The following SMO variants were observed in gnomAD, a reference collection of about 807,000 sequenced individuals.
SMO encodes smoothened, frizzled class receptor.
A neutral mutation model predicts 81.6 loss-of-function variants in SMO; 40 were observed. The observed-to-expected ratio is 0.49, with a 90% confidence interval of 0.38 to 0.64. The LOEUF (loss-of-function observed/expected upper bound fraction) is 0.64, where lower values mean the gene tolerates loss of function less well. Ranked by LOEUF, SMO falls within the 30% of genes least tolerant of loss-of-function variation. The probability of loss-of-function intolerance (pLI) is 0.00; values close to 1 mark genes in which losing one functional copy is unlikely to be tolerated. For missense variants in SMO, 916 were observed against 1,061.1 expected, an observed-to-expected ratio of 0.86 and a Z score of 1.90; for synonymous variants, 434 against 432.1, an observed-to-expected ratio of 1.00 and a Z score of -0.05.
rs1793851674 is a variant in SMO at position 129,210,450 on chromosome 7, G to A, written c.1554G>A (p.Glu518=). 1 of 1,614,196 alleles carries A rather than the reference G, an allele frequency of 6.2e-7. No homozygotes were observed. The highest frequency in any genetic ancestry group is 8.5e-7 in the Non-Finnish European group (1 of 1,180,014). Residue 518 remains glutamate, a synonymous_variant, in exon 9 of 12, where the codon GAG becomes GAA. Coordinates refer to ENST00000249373, the MANE Select transcript of SMO (RefSeq NM_005631.5). The surrounding 1 kb of genome is among the most constrained non-coding windows in gnomAD (Gnocchi z 4.7). ...AGAATCGCCCGAGCCTTCTGGTGGA[G>A]AAGATCAACCTGTTTGCCATGTTTG... ...EIKNRPSLLV[E]KINLFAMFGT...
At chr7:129,199,189 T>C (rs1273058771) in intron 1 of SMO, among the ~76,000 whole-genome samples, 3 of 149,342 alleles carry the variant, frequency 2.0e-5, no homozygotes, top group African/African-American at 7.5e-5. Context: ...TTTCTTTTTT[T>C]TTTTTTTTTT....
Position 129,189,036 on chromosome 7 carries a change from T to G in SMO, c.-116T>G. On this transcript the variant is annotated 5_prime_UTR_variant, in exon 1 of 12. Transcript: ENST00000249373. The surrounding 1 kb of genome is among the most constrained non-coding windows in gnomAD (Gnocchi z 4.7). ...CGGGGGGGCCCGGGCCCGGATTCTCTGGGCGCACAGGTCGCCTGAGCCGCC... is the reference window on the plus strand; with the variant it reads ...CGGGGGGGCCCGGGCCCGGATTCTCGGGGCGCACAGGTCGCCTGAGCCGCC... The G allele has an allele frequency of 1.1e-6, 1 of 951,132 alleles. No homozygotes were observed. Among genetic ancestry groups the G allele is most frequent in the East Asian group, 3.5e-5 (1 of 28,738 alleles). 58.9% of individuals were successfully genotyped at this position (951,132 alleles called of 1,614,324 possible).
At chr7:129,198,756 T>C (rs553613131) in intron 1 of SMO, among the ~76,000 whole-genome samples, 67 of 152,350 alleles carry the variant, frequency 4.4e-4, no homozygotes, top group African/African-American at 1.6e-3. Context: ...TAGGTTATAC[T>C]GTATCAGCTA....
At chr7:129,204,903 G>A (rs769786366) in intron 2 of SMO, among the ~76,000 whole-genome samples, 1 of 151,328 alleles carries the variant, frequency 6.6e-6, no homozygotes, top group African/African-American at 2.4e-5. Context: ...CCAGCTACTC[G>A]GGAGTCTGAG....
chr7:129,192,105 G>A (rs1449196108), intron 1 of SMO, among the ~76,000 whole-genome samples: 1 of 152,076 alleles, frequency 6.6e-6, no homozygotes, highest in Admixed American at 6.5e-5. Flanking sequence ...AAGGTACTGT[G>A]GCATTTTAGG....
chr7:129,205,191 C>G lies in SMO; in HGVS notation c.538-12C>G, dbSNP rs1361748935. On this transcript the variant is annotated splice_polypyrimidine_tract_variant and intron_variant, in intron 2 of 11. Transcript: ENST00000249373. ...CTGCCTTGACACCGTCTTTTCCCATCCCTGGTGCCAGAATGAGGTGCAGAA... is the reference window on the plus strand; with the variant it reads ...CTGCCTTGACACCGTCTTTTCCCATGCCTGGTGCCAGAATGAGGTGCAGAA... 2 of 1,612,962 alleles carry G rather than the reference C, an allele frequency of 1.2e-6. No individual in the cohort carries two copies. The highest frequency in any genetic ancestry group is 2.2e-5 in the East Asian group (1 of 44,864).
At position 129,189,397 on chromosome 7, in the gene SMO, G is replaced by A. The variant is rs1292160538; in HGVS notation, c.246G>A (p.Val82=). ...GCTACAACGTGTGCCTGGGCTCGGT[G>A]CTGCCCTACGGGGCCACCTCCACAC... ...PLRYNVCLGS[V]LPYGATSTLL... is the part of the protein sequence containing the mutation. Residue 82 remains valine (V), a synonymous_variant, in exon 1 of 12, where the codon GTG becomes GTA. Transcript: ENST00000249373. This position sits in a 1 kb window ranked among gnomAD's most constrained non-coding sequence, Gnocchi z 4.7. The A allele has an allele frequency of 1.3e-6, 2 of 1,537,544 alleles. No homozygotes were observed. Among genetic ancestry groups the A allele is most frequent in the East Asian group, 2.4e-5 (1 of 40,856 alleles).
At position 129,212,397 on chromosome 7, in the gene SMO, C is replaced by T. The variant is rs1793890866; in HGVS notation, c.2310C>T (p.His770=). ...GCCGACAGGGCCTGGGGCCTATTCA[C>T]TCCCGCACCAACCTGATGGACACAG... The part of the protein sequence containing the change: ...HGRRQGLGPI[H]SRTNLMDTEL... The change falls in exon 12 of 12, where the codon CAC becomes CAT. Residue 770 remains histidine, a synonymous_variant. Transcript: ENST00000249373. The surrounding 1 kb of genome is among the most constrained non-coding windows in gnomAD (Gnocchi z 5.0). 1 of 1,613,948 alleles carries T rather than the reference C, an allele frequency of 6.2e-7. No individual in the cohort carries two copies. Among genetic ancestry groups the T allele is most frequent in the Non-Finnish European group, 8.5e-7 (1 of 1,180,044 alleles).
rs1030060194 is a variant in SMO at position 129,208,666 on chromosome 7, C to T, written c.1265-93C>T. On this transcript the variant is annotated intron_variant, in intron 6 of 11. Transcript: ENST00000249373. The surrounding 1 kb of genome is among the most constrained non-coding windows in gnomAD (Gnocchi z 5.2). The stretch of plus-strand genomic sequence containing the variant: ...AGCACAGGGGTAATCAGACTTGGGA[C>T]TCCAGAGCCTTAGGACCCTCCTCCC... The T allele has an allele frequency of 2.7e-6, 2 of 752,124 alleles. No individual in the cohort carries two copies. The highest frequency in any genetic ancestry group is 4.0e-5 in the Admixed American group (2 of 49,388). 46.6% of individuals were successfully genotyped at this position (752,124 alleles called of 1,614,324 possible). A position where few individuals can be genotyped will look rare whatever the true frequency, so the allele number is the denominator to read the frequency against.
chr7:129,205,151 A>T (rs1793741932), intron 2 of SMO, 52 bp from the exon 3 acceptor site: 10 of 1,510,560 alleles, frequency 6.6e-6, no homozygotes, highest in Non-Finnish European at 9.2e-6. Context: ...CCTAAACAAG[A>T]GGCTCGTCCC....
At chr7:129,196,454 T>C (rs1007062789) in intron 1 of SMO, among the ~76,000 whole-genome samples, 3 of 152,004 alleles carry the variant, frequency 2.0e-5, no homozygotes, top group Non-Finnish European at 4.4e-5. Flanking sequence ...TGCTCCTTTG[T>C]GTTTTAATAT....
intron 1 of SMO, among the ~76,000 whole-genome samples, chr7:129,193,177 G>T (rs1392661398): frequency 6.6e-6 from 1 of 152,214 alleles, no homozygotes; most frequent in Admixed American, 6.5e-5. Context: ...AAGCAGAGAG[G>T]CCTGCAGCTG....
rs1010558536 is a variant in SMO at position 129,208,978 on chromosome 7, G to A, written c.1357+127G>A. ...AGTTAGCCATAGGGACAAGGACAAGGGGTGTGTGTAGGTGGTAGTGGTAGT... is the reference window on the plus strand; with the variant it reads ...AGTTAGCCATAGGGACAAGGACAAGAGGTGTGTGTAGGTGGTAGTGGTAGT... On this transcript the variant is annotated intron_variant, in intron 7 of 11. Transcript: ENST00000249373. The surrounding 1 kb of genome is among the most constrained non-coding windows in gnomAD (Gnocchi z 5.2). 4.3e-6 allele frequency: 3 copies of A among 695,470 alleles called. No homozygotes were observed. Among genetic ancestry groups the A allele is most frequent in the Non-Finnish European group, 7.7e-6 (3 of 390,178 alleles). The allele number at this position is 695,470 out of a possible 1,614,324, so 43.1% of individuals were successfully genotyped here.
intron 1 of SMO, among the ~76,000 whole-genome samples, chr7:129,197,055 A>G (rs934018816): frequency 6.6e-6 from 1 of 150,982 alleles, no homozygotes; most frequent in Non-Finnish European, 1.5e-5. Flanking sequence ...TGATGCCTTT[A>G]ACATTTATTT....
intron 1 of SMO, among the ~76,000 whole-genome samples, chr7:129,190,628 G>T (rs1584652138): frequency 6.6e-6 from 1 of 152,248 alleles, no homozygotes; most frequent in Non-Finnish European, 1.5e-5. Flanking sequence ...CTCGGCCTTT[G>T]TCAGATGTTG....
Position 129,206,316 on chromosome 7 carries a change from C to T in SMO, c.1087C>T (p.Leu363Phe), listed in dbSNP as rs780399753. The stretch of plus-strand genomic sequence containing the variant: ...GGGCAAGACCTCCTACTTCCACCTG[C>T]TCACCTGGTCACTCCCCTTTGTCCT... ...LSGKTSYFHLLTWSLPFVLTV... is the reference protein window; with the variant it reads ...LSGKTSYFHLFTWSLPFVLTV... The change falls in exon 5 of 12, where the codon CTC becomes TTC. Residue 363 changes from leucine (L) to phenylalanine (F), a missense_variant. Physicochemically the swap from Leu to Phe is conservative, Grantham distance 22. Transcript: ENST00000249373. This position sits in a 1 kb window ranked among gnomAD's most constrained non-coding sequence, Gnocchi z 4.4. 1 of 1,614,234 alleles carries T rather than the reference C, an allele frequency of 6.2e-7. No homozygotes were observed. The highest frequency in any genetic ancestry group is 1.7e-5 in the Admixed American group (1 of 60,032).
chr7:129,196,219 T>G (rs1793576370), intron 1 of SMO, among the ~76,000 whole-genome samples: 1 of 152,012 alleles, frequency 6.6e-6, no homozygotes, highest in East Asian at 1.9e-4. Flanking sequence ...TTTTTCCCAT[T>G]GAAATTCATG....
chr7:129,195,979 T>A (rs948492105), intron 1 of SMO, among the ~76,000 whole-genome samples: 1 of 151,398 alleles, frequency 6.6e-6, no homozygotes, highest in Non-Finnish European at 1.5e-5. Flanking sequence ...TGGGCGCCTG[T>A]AGTCCCAGCT....
chr7:129,206,110 A>G lies in SMO; in HGVS notation c.921-40A>G. On this transcript the variant is annotated intron_variant, in intron 4 of 11. Coordinates refer to ENST00000249373, the MANE Select transcript of SMO (RefSeq NM_005631.5). This position sits in a 1 kb window ranked among gnomAD's most constrained non-coding sequence, Gnocchi z 4.4. ...TGGGGAGACCAGGTAGAGGGAGTAC[A>G]GAGTGACCGCCTCAAGTGACACCTC... The G allele has an allele frequency of 6.8e-7, 1 of 1,475,370 alleles. No homozygotes were observed. The highest frequency in any genetic ancestry group is 9.3e-7 in the Non-Finnish European group (1 of 1,072,920). The allele number at this position is 1,475,370 out of a possible 1,614,324, so 91.4% of individuals were successfully genotyped here.
Sources: allele counts gnomAD v4.1 joint callset (sites outside exome capture counted in the v4.1 genomes callset), GRCh38; gene constraint gnomAD v4.1.1; non-coding constraint Gnocchi (gnomAD v3.1); transcripts MANE v1.5; gene names NCBI Gene and HGNC (gene_info 2026-07-23, HGNC 2026-07-21).